ZNF385D: variants seen among roughly 807,000 people sequenced by gnomAD.
The protein encoded by ZNF385D is zinc finger protein 385D.
A neutral mutation model predicts 35.8 loss-of-function variants in ZNF385D; 15 were observed. The observed-to-expected ratio is 0.42, with a 90% CI of 0.28 to 0.64. ZNF385D has a LOEUF of 0.64. ZNF385D is among the 30% of genes least tolerant of loss of function. ZNF385D has a pLI of 0.23. For missense variants in ZNF385D, 474 were observed against 494.6 expected, an observed-to-expected ratio of 0.96 and a Z score of 0.39; for synonymous variants, 212 against 186.8, an observed-to-expected ratio of 1.13 and a Z score of -1.10.
At chr3:21,554,492 A>C (rs2062667024) in intron 3 of ZNF385D, among the ~76,000 whole-genome samples, 1 of 152,062 alleles carries the variant, frequency 6.6e-6, no homozygotes, top group Middle Eastern at 3.2e-3. Flanking sequence ...GGGCCCTAGG[A>C]TTTTTGGAAT....
chr3:21,471,537 C>A (rs1703901569), intron 4 of ZNF385D, among the ~76,000 whole-genome samples: 1 of 152,016 alleles, frequency 6.6e-6, no homozygotes, highest in Non-Finnish European at 1.5e-5. Flanking sequence ...AAATGTCAGC[C>A]TACATTATTT....
intron 2 of ZNF385D, among the ~76,000 whole-genome samples, chr3:22,274,279 A>G (rs1180746793): frequency 6.6e-6 from 1 of 151,956 alleles, no homozygotes; most frequent in Admixed American, 6.6e-5. Flanking sequence ...AAAATCAAAT[A>G]TTTCATCTTT....
chr3:21,443,158 C>A (rs914589582), intron 4 of ZNF385D: 1 of 985,310 alleles, frequency 1.0e-6, no homozygotes, highest in Non-Finnish European at 1.2e-6. Flanking sequence ...GTGCTCCACT[C>A]CACTTTGCAG....
chr3:22,135,457 G>A (rs1325963950), intron 3 of ZNF385D, among the ~76,000 whole-genome samples: 1 of 152,052 alleles, frequency 6.6e-6, no homozygotes, highest in Admixed American at 6.6e-5. Flanking sequence ...TAACACTCCA[G>A]GCACTGTATG....
chr3:22,152,816 G>C (rs563572589), intron 3 of ZNF385D, among the ~76,000 whole-genome samples: 1 of 152,054 alleles, frequency 6.6e-6, no homozygotes, highest in Non-Finnish European at 1.5e-5. Context: ...TACATCTTTT[G>C]GGGAGTATTA....
chr3:22,193,432 TTATTA>T (rs768242300), intron 2 of ZNF385D, among the ~76,000 whole-genome samples: 35 of 152,174 alleles, frequency 2.3e-4, no homozygotes, highest in Non-Finnish European at 3.8e-4. Flanking sequence ...TTCCCAAAAC[TTATTA>T]TATATGATAT....
chr3:22,189,591 C>A (rs1403531800), intron 2 of ZNF385D, among the ~76,000 whole-genome samples: 1 of 152,072 alleles, frequency 6.6e-6, no homozygotes, highest in African/African-American at 2.4e-5. Context: ...CAAATTTGGA[C>A]TGGTTTGTAG....
chr3:22,006,452 A>T (rs1696208842), intron 3 of ZNF385D, among the ~76,000 whole-genome samples: 1 of 152,116 alleles, frequency 6.6e-6, no homozygotes, highest in Non-Finnish European at 1.5e-5. Flanking sequence ...CCCAGAAATG[A>T]TTTTGAAGTG....
At chr3:21,954,638 T>C (rs555953603) in intron 3 of ZNF385D, among the ~76,000 whole-genome samples, 2 of 152,224 alleles carry the variant, frequency 1.3e-5, no homozygotes, top group African/African-American at 4.8e-5. Context: ...AACAACTCAG[T>C]GGCAACATGA....
chr3:22,143,305 T>G (rs537812453), intron 3 of ZNF385D, among the ~76,000 whole-genome samples: 1 of 152,070 alleles, frequency 6.6e-6, no homozygotes, highest in Non-Finnish European at 1.5e-5. Context: ...AGGATGGTCT[T>G]GATCGCCTGA....
chr3:21,784,769 A>G (rs1485719226), intron 3 of ZNF385D, among the ~76,000 whole-genome samples: 1 of 152,270 alleles, frequency 6.6e-6, no homozygotes, highest in Non-Finnish European at 1.5e-5. Context: ...CAAAGAAAAT[A>G]TCAAAATTTT....
At chr3:21,910,099 A>G (rs149189651) in intron 3 of ZNF385D, among the ~76,000 whole-genome samples, 194 of 151,902 alleles carry the variant, frequency 1.3e-3, no homozygotes, top group African/African-American at 4.3e-3. Flanking sequence ...ACACACACAC[A>G]CACACACAGA....
chr3:22,312,017 C>T (rs1463633244), intron 2 of ZNF385D, among the ~76,000 whole-genome samples: 1 of 152,084 alleles, frequency 6.6e-6, no homozygotes, highest in Non-Finnish European at 1.5e-5. Flanking sequence ...ATTATTATTT[C>T]CTCCGAATCG....
chr3:22,070,227 C>A (rs1231978566), intron 3 of ZNF385D, among the ~76,000 whole-genome samples: 2 of 152,062 alleles, frequency 1.3e-5, no homozygotes, highest in African/African-American at 4.8e-5. Flanking sequence ...CCCCTTAAAG[C>A]ACAATTTAAG....
At chr3:21,666,792 G>A (rs534487301) in intron 1 of ZNF385D, among the ~76,000 whole-genome samples, 1 of 152,194 alleles carries the variant, frequency 6.6e-6, no homozygotes, top group South Asian at 2.1e-4. Context: ...AAACTCAGAA[G>A]TAAGGCCAGG....
chr3:21,616,490 T>C (rs755211492), intron 2 of ZNF385D, among the ~76,000 whole-genome samples: 2 of 152,208 alleles, frequency 1.3e-5, no homozygotes, highest in Non-Finnish European at 2.9e-5. Flanking sequence ...GGGGACCTTC[T>C]ACTATTATGC....
chr3:22,221,661 C>G (rs187111106), intron 2 of ZNF385D, among the ~76,000 whole-genome samples: 1 of 152,136 alleles, frequency 6.6e-6, no homozygotes, highest in East Asian at 1.9e-4. Flanking sequence ...ATAAAAAAGA[C>G]AACTCATTTG....
chr3:21,601,513 A>G (rs757606427), intron 2 of ZNF385D, among the ~76,000 whole-genome samples: 25 of 152,230 alleles, frequency 1.6e-4, no homozygotes, highest in Admixed American at 9.2e-4. Flanking sequence ...CGTTAAGCAT[A>G]TGGCCTCCTT....
intron 3 of ZNF385D, among the ~76,000 whole-genome samples, chr3:21,925,495 A>G (rs1700681056): frequency 6.6e-6 from 1 of 152,232 alleles, no homozygotes; most frequent in Non-Finnish European, 1.5e-5. Context: ...ATTTAAATGC[A>G]TAATTCAAAA....
Sources: allele counts gnomAD v4.1 joint callset (sites outside exome capture counted in the v4.1 genomes callset), GRCh38; gene constraint gnomAD v4.1.1; transcripts MANE v1.5; gene names NCBI Gene and HGNC (gene_info 2026-07-23, HGNC 2026-07-21).